The following RUBCN variants were observed in gnomAD, a reference collection of about 807,000 sequenced individuals.
RUBCN encodes the protein run domain Beclin-1-interacting and cysteine-rich domain-containing protein.
In RUBCN, 74 loss-of-function variants were observed where a neutral mutation model predicts 113.2. The ratio of observed to expected loss-of-function variants is 0.65; its 90% CI spans 0.54 to 0.79. The LOEUF (loss-of-function observed/expected upper bound fraction) is 0.79. Among genes scored for constraint, RUBCN ranks in the 30% least tolerant of loss-of-function variants. The pLI is 0.00. For synonymous variants in RUBCN, 480 were observed against 490.0 expected, an observed-to-expected ratio of 0.98 and a Z score of 0.27; for missense variants, 1,109 against 1,251.7, an observed-to-expected ratio of 0.89 and a Z score of 1.72.
chr3:197,717,940 A>C (rs1725725707), intron 2 of RUBCN, 37 bp downstream of exon 2: 1 of 1,612,052 alleles, frequency 6.2e-7, no homozygotes, highest in Non-Finnish European at 8.5e-7. Context: ...TCAACAAGCG[A>C]GTCAGCCAAT....
intron 11 of RUBCN, among the ~76,000 whole-genome samples, chr3:197,689,885 C>T (rs753308484): frequency 1.3e-5 from 2 of 152,134 alleles, no homozygotes; most frequent in Admixed American, 6.5e-5. Context: ...CGCTACTGTG[C>T]TACTGAACAC....
intron 16 of RUBCN, among the ~76,000 whole-genome samples, chr3:197,678,916 T>C (rs868196307): frequency 2.0e-5 from 3 of 146,464 alleles, no homozygotes; most frequent in Admixed American, 6.8e-5. Context: ...ACAACTGGCT[T>C]CAGACTGTCC....
chr3:197,697,736 A>G (rs1723171934), intron 7 of RUBCN, among the ~76,000 whole-genome samples: 1 of 152,226 alleles, frequency 6.6e-6, no homozygotes, highest in Non-Finnish European at 1.5e-5. Flanking sequence ...TATTCTTCAC[A>G]AGGAAACACA....
chr3:197,725,944 A>T (rs908769284), intron 1 of RUBCN, among the ~76,000 whole-genome samples: 5 of 152,084 alleles, frequency 3.3e-5, no homozygotes, highest in Non-Finnish European at 7.4e-5. Context: ...ACACTATTAC[A>T]AACATGCCAA....
At chr3:197,727,298 A>T (rs1726870046) in intron 1 of RUBCN, among the ~76,000 whole-genome samples, 1 of 152,202 alleles carries the variant, frequency 6.6e-6, no homozygotes, top group African/African-American at 2.4e-5. Flanking sequence ...CCCTCACTGT[A>T]AAATGGAGAC....
intron 2 of RUBCN, among the ~76,000 whole-genome samples, chr3:197,717,323 A>G (rs1465498948): frequency 6.6e-6 from 1 of 151,928 alleles, no homozygotes; most frequent in Non-Finnish European, 1.5e-5. Context: ...GGGCGCCTGT[A>G]GTCCCAGCTA....
chr3:197,726,690 A>G (rs1469368513), intron 1 of RUBCN, among the ~76,000 whole-genome samples: 3 of 148,064 alleles, frequency 2.0e-5, no homozygotes, highest in African/African-American at 7.5e-5. Flanking sequence ...ACAGGCACCC[A>G]CCACCAAACC....
At chr3:197,696,124 T>G (rs566792024) in intron 8 of RUBCN, 143 bp from the exon 9 acceptor site, 1 of 827,000 alleles carries the variant, frequency 1.2e-6, no homozygotes, top group African/African-American at 1.7e-5. Context: ...AAGAATTTCT[T>G]GCACTTTGGG....
In RUBCN at chr3:197,675,251, C is replaced by G; in HGVS notation, c.2741-55G>C. On this transcript the variant is annotated intron_variant, in intron 19 of 19. Coordinates refer to ENST00000296343, the MANE Select transcript of RUBCN (RefSeq NM_014687.4). This position sits in a 1 kb window ranked among gnomAD's most constrained non-coding sequence, Gnocchi z 4.4. ...AGAAAACAATTTGTATTATCTCCAG[C>G]TAGAGGTCAGTTGCTGCCACAGCCC... is the stretch of plus-strand genomic sequence containing the variant. 17 of 1,604,444 alleles carry G rather than the reference C, an allele frequency of 1.1e-5. No individual in the cohort carries two copies. The highest frequency in any genetic ancestry group is 1.4e-5 in the Non-Finnish European group (16 of 1,171,616).
chr3:197,734,969 C>T (rs577009075), intron 1 of RUBCN, among the ~76,000 whole-genome samples: 1 of 152,348 alleles, frequency 6.6e-6, no homozygotes, highest in East Asian at 1.9e-4. Flanking sequence ...TTAAAAATAG[C>T]AAGTCTTCAC....
chr3:197,749,611 G>C (rs1188454793), exon 1 of RUBCN: 1 of 1,094,514 alleles, frequency 9.1e-7, no homozygotes, highest in Non-Finnish European at 1.2e-6. Flanking sequence ...GGACTCGAAG[G>C]ACACGGAGGA....
Position 197,677,782 on chromosome 3 carries a change from C to T in RUBCN, c.2431-241G>A, listed in dbSNP as rs376906625. On this transcript the variant is annotated intron_variant, in intron 16 of 19. Coordinates refer to ENST00000296343, the MANE Select transcript of RUBCN (RefSeq NM_014687.4). ...CTTCAGACTGTCCTACGCTCTAACT[C>T]GACACCTGGCTTCAGACTGTCCCAC... Among the ~76,000 whole-genome samples, 90 of 148,942 alleles carry T rather than the reference C, an allele frequency of 6.0e-4. 1 individual carries two copies. In the South Asian group the frequency reaches 0.02, roughly 33 times the overall value.
At chr3:197,720,166 G>A (rs1725989745) in intron 1 of RUBCN, among the ~76,000 whole-genome samples, 1 of 152,044 alleles carries the variant, frequency 6.6e-6, no homozygotes, top group South Asian at 2.1e-4. Context: ...CTCTCTCCAT[G>A]CCCTTCTCCC....
At chr3:197,682,012 G>A (rs1721301620) in intron 14 of RUBCN, 113 bp from the exon 15 acceptor site, 1 of 830,038 alleles carries the variant, frequency 1.2e-6, no homozygotes. Context: ...GAAGAGAGGG[G>A]AATTCACCTA....
chr3:197,704,597 TGA>T lies in RUBCN; in HGVS notation c.406_407del (p.Ala137ProfsTer9), dbSNP rs751281182. 1.2e-6 allele frequency: 2 copies of T among 1,614,212 alleles called. No individual in the cohort carries two copies. Among genetic ancestry groups the T allele is most frequent in the Non-Finnish European group, 1.7e-6 (2 of 1,180,022 alleles). The part of the protein sequence containing the change: ...LQHSLQYHCL[S>X]AQLRPLLGDR... ...CCCCGAGCAGGGGCCGGAGCTGGGC[TGA>T]GAGGCAGTGGTACTGCAGGCTGTGC... On this transcript the variant is annotated frameshift_variant, in exon 4 of 20. Transcript: ENST00000296343. LOFTEE classifies it high-confidence loss of function.
intron 16 of RUBCN, among the ~76,000 whole-genome samples, chr3:197,679,654 T>C (rs1169368797): frequency 1.1e-4 from 14 of 131,520 alleles, no homozygotes; most frequent in African/African-American, 2.6e-4. Flanking sequence ...ACAACTGGCT[T>C]CAGACTGTCC....
intron 7 of RUBCN, among the ~76,000 whole-genome samples, chr3:197,697,557 C>T (rs1723148706): frequency 6.6e-6 from 1 of 152,182 alleles, no homozygotes; most frequent in Admixed American, 6.5e-5. Flanking sequence ...GCTGGAGAAG[C>T]CCAGGGAGAG....
intron 11 of RUBCN, among the ~76,000 whole-genome samples, chr3:197,693,260 T>G (rs1390575779): frequency 2.6e-5 from 4 of 152,224 alleles, no homozygotes. Flanking sequence ...AGGGCAGAAA[T>G]TCAAGCTCTA....
rs1334480178 is a variant in RUBCN, at chr3:197,726,252, AT to A, written c.66-8123del. 6.6e-5 allele frequency among the ~76,000 whole-genome samples: 10 copies of A among 151,750 alleles called. No homozygotes were observed. In the South Asian group the frequency reaches 8.3e-4, roughly 13 times the overall value. On this transcript the variant is annotated intron_variant, in intron 1 of 19. Transcript: ENST00000296343. ...TTATTTTATTTTATTTTTTATTTTT[AT>A]TTTTATTTTTTGAGACGGAGTCTCG...
Sources: allele counts gnomAD v4.1 joint callset (sites outside exome capture counted in the v4.1 genomes callset), GRCh38; gene constraint gnomAD v4.1.1; non-coding constraint Gnocchi (gnomAD v3.1); transcripts MANE v1.5; gene names NCBI Gene and HGNC (gene_info 2026-07-23, HGNC 2026-07-21).